The following PARD3B variants were observed in gnomAD, a reference collection of about 807,000 sequenced individuals.
The protein encoded by PARD3B is partitioning defective 3 homolog B.
Under a neutral mutation model 130.2 loss-of-function variants are expected in PARD3B, and 103 were observed. That is an observed-to-expected ratio of 0.79 (90% confidence interval 0.67 to 0.93). The LOEUF (loss-of-function observed/expected upper bound fraction) is 0.93, where lower values mean the gene tolerates loss of function less well. Ranked by LOEUF, PARD3B falls within the 40% of genes least tolerant of loss-of-function variation. The pLI, the probability that PARD3B is intolerant of heterozygous loss-of-function variation, is 0.00. For missense variants in PARD3B, 1,609 were observed against 1,499.2 expected (o/e 1.07, Z -1.21); for synonymous variants, 583 against 553.2 (o/e 1.05, Z -0.76).
chr2:204,969,650 T>C (rs1308019454), intron 3 of PARD3B, among the ~76,000 whole-genome samples: 1 of 152,256 alleles, frequency 6.6e-6, no homozygotes, highest in African/African-American at 2.4e-5. Flanking sequence ...TTTCTTGGCT[T>C]CTAGAACAGT....
intron 2 of PARD3B, among the ~76,000 whole-genome samples, chr2:204,924,103 C>T (rs1260292655): frequency 6.6e-6 from 1 of 152,020 alleles, no homozygotes; most frequent in Non-Finnish European, 1.5e-5. Flanking sequence ...CAAATCAGAT[C>T]TTATGAGTCT....
At chr2:204,567,576 TTGTA>T (rs1437574367) in intron 1 of PARD3B, among the ~76,000 whole-genome samples, 1 of 152,256 alleles carries the variant, frequency 6.6e-6, no homozygotes, top group African/African-American at 2.4e-5. Context: ...GAATATTTCT[TTGTA>T]TGTATGTACC....
chr2:205,332,175 C>A (rs763929583), intron 18 of PARD3B, among the ~76,000 whole-genome samples: 1 of 152,116 alleles, frequency 6.6e-6, no homozygotes, highest in Non-Finnish European at 1.5e-5. Flanking sequence ...TTCTGTGGGC[C>A]CTCTGTCAGT....
chr2:204,699,702 T>C (rs952759534), intron 2 of PARD3B, among the ~76,000 whole-genome samples: 2 of 152,096 alleles, frequency 1.3e-5, no homozygotes, highest in African/African-American at 2.4e-5. Flanking sequence ...ACAATAATGT[T>C]TGGGGAGGCT....
At chr2:205,254,448 A>G (rs1439436559) in intron 16 of PARD3B, among the ~76,000 whole-genome samples, 2 of 152,094 alleles carry the variant, frequency 1.3e-5, no homozygotes, top group Non-Finnish European at 2.9e-5. Flanking sequence ...GTTGAGAAAT[A>G]TTTTAGGATG....
rs2035885693 is a variant in PARD3B at position 205,183,128 on chromosome 2, A to C, written c.1925-2636A>C. 1.3e-5 allele frequency among the ~76,000 whole-genome samples: 2 copies of C among 152,142 alleles called. No homozygotes were observed. The highest frequency in any genetic ancestry group is 4.1e-4 in the South Asian group (2 of 4,820). ...TGATATTTGGGTGGACCTTGGGAGAAGGGTAGGATTTTGACAGGTAGAGTA... is the reference window on the plus strand; with the variant it reads ...TGATATTTGGGTGGACCTTGGGAGACGGGTAGGATTTTGACAGGTAGAGTA... On this transcript the variant is annotated intron_variant, in intron 13 of 22. Coordinates refer to ENST00000406610, the MANE Select transcript of PARD3B (RefSeq NM_001302769.2). The surrounding 1 kb of genome is among the most constrained non-coding windows in gnomAD (Gnocchi z 5.2).
intron 2 of PARD3B, among the ~76,000 whole-genome samples, chr2:204,878,537 T>TA (rs1326460004): frequency 3.3e-5 from 5 of 152,056 alleles, no homozygotes; most frequent in African/African-American, 1.2e-4. Context: ...TATTTTGTAT[T>TA]AAAAAAAGAG....
At chr2:205,332,099 G>A (rs955245664) in intron 18 of PARD3B, among the ~76,000 whole-genome samples, 8 of 151,666 alleles carry the variant, frequency 5.3e-5, no homozygotes, top group Non-Finnish European at 8.8e-5. Flanking sequence ...TGCCAGACTC[G>A]GTCTCAAAAA....
Position 205,509,733 on chromosome 2 carries a change from T to C in PARD3B, c.3180+9702T>C, listed in dbSNP as rs76891514. 8.6e-3 allele frequency among the ~76,000 whole-genome samples: 1,306 copies of C among 152,330 alleles called. 22 individuals are homozygous for C. Among genetic ancestry groups the C allele is most frequent in the East Asian group, 0.079 (411 of 5,172 alleles). ...ACTAGCCTCTGGATTCTCCAGCGCTTCTGTTTCCACGTATGGAGCCCAAGC... is the reference window on the plus strand; with the variant it reads ...ACTAGCCTCTGGATTCTCCAGCGCTCCTGTTTCCACGTATGGAGCCCAAGC... On this transcript the variant is annotated intron_variant, in intron 21 of 22. Coordinates refer to ENST00000406610, the MANE Select transcript of PARD3B (RefSeq NM_001302769.2).
Position 205,590,033 on chromosome 2 carries a change from T to TAAG in PARD3B, c.3261-25422_3261-25420dup. Among the ~76,000 whole-genome samples the TAAG allele has an allele frequency of 6.6e-6, 1 of 151,812 alleles. No individual in the cohort carries two copies. Among genetic ancestry groups the TAAG allele is most frequent in the South Asian group, 2.1e-4 (1 of 4,824 alleles). ...AAAGTGAATGACCACTGGCTCTTTCTAAGTATTTTATCCTCTAGTACTTAC... is the reference window on the plus strand; with the variant it reads ...AAAGTGAATGACCACTGGCTCTTTCTAAGAAGTATTTTATCCTCTAGTACTTAC... On this transcript the variant is annotated intron_variant, in intron 22 of 22. Transcript: ENST00000406610. The surrounding 1 kb of genome is among the most constrained non-coding windows in gnomAD (Gnocchi z 4.1).
intron 2 of PARD3B, among the ~76,000 whole-genome samples, chr2:204,848,800 A>T (rs998235659): frequency 6.6e-6 from 1 of 151,998 alleles, no homozygotes; most frequent in African/African-American, 2.4e-5. Flanking sequence ...TCTTACTTTG[A>T]ATTTTACCAT....
chr2:204,991,165 C>T (rs536154787), intron 3 of PARD3B, among the ~76,000 whole-genome samples: 7 of 151,230 alleles, frequency 4.6e-5, no homozygotes, highest in Admixed American at 2.6e-4. Flanking sequence ...CATGCTGGTG[C>T]GCTGCACCCA....
intron 2 of PARD3B, among the ~76,000 whole-genome samples, chr2:204,725,370 A>G (rs915982049): frequency 1.3e-5 from 2 of 152,192 alleles, no homozygotes; most frequent in African/African-American, 4.8e-5. Flanking sequence ...AATGTTTCCA[A>G]TTTAACCAGA....
intron 3 of PARD3B, among the ~76,000 whole-genome samples, chr2:204,985,915 C>G (rs1693094640): frequency 6.6e-6 from 1 of 151,868 alleles, no homozygotes; most frequent in African/African-American, 2.4e-5. Flanking sequence ...AGCCTGGCAA[C>G]ATGGTGAAAC....
intron 2 of PARD3B, among the ~76,000 whole-genome samples, chr2:204,714,594 C>G (rs923836717): frequency 2.6e-5 from 4 of 152,160 alleles, no homozygotes; most frequent in Admixed American, 2.6e-4. Context: ...GGAGGAACAT[C>G]TTCTGCCTTA....
chr2:205,408,965 TC>T (rs1379903042), intron 19 of PARD3B, among the ~76,000 whole-genome samples: 1 of 152,140 alleles, frequency 6.6e-6, no homozygotes, highest in Non-Finnish European at 1.5e-5. Context: ...AATTTATGGC[TC>T]CCTTAAAATG....
intron 1 of PARD3B, among the ~76,000 whole-genome samples, chr2:204,600,198 C>G (rs985899288): frequency 6.6e-6 from 1 of 151,640 alleles, no homozygotes; most frequent in Admixed American, 6.6e-5. Context: ...TTTATTTATG[C>G]TTTTGTTGCT....
chr2:205,389,237 C>T (rs888450839), intron 18 of PARD3B, among the ~76,000 whole-genome samples: 2 of 152,100 alleles, frequency 1.3e-5, no homozygotes, highest in African/African-American at 4.8e-5. Context: ...ACTTTAACAT[C>T]AAAATATTGA....
chr2:204,890,400 G>A lies in PARD3B; in HGVS notation c.223-74752G>A, dbSNP rs1206567425. On this transcript the variant is annotated intron_variant, in intron 2 of 22. Coordinates refer to ENST00000406610, the MANE Select transcript of PARD3B (RefSeq NM_001302769.2). This position sits in a 1 kb window ranked among gnomAD's most constrained non-coding sequence, Gnocchi z 4.9. ...ATAATTTTCAGCCCCTAGTCAAGAAGTTTCATTTGCCTCCACATTCAAGGG... is the reference window on the plus strand; with the variant it reads ...ATAATTTTCAGCCCCTAGTCAAGAAATTTCATTTGCCTCCACATTCAAGGG... 2.0e-5 allele frequency among the ~76,000 whole-genome samples: 3 copies of A among 152,294 alleles called. No individual in the cohort carries two copies. In the East Asian group the frequency reaches 5.8e-4, roughly 29 times the overall value.
Sources: allele counts gnomAD v4.1 joint callset (sites outside exome capture counted in the v4.1 genomes callset), GRCh38; gene constraint gnomAD v4.1.1; non-coding constraint Gnocchi (gnomAD v3.1); transcripts MANE v1.5; gene names NCBI Gene and HGNC (gene_info 2026-07-23, HGNC 2026-07-21).